Variants in DNAH7 observed in about 807,000 individuals in gnomAD.
The protein encoded by DNAH7 is axonemal beta dynein heavy chain 7.
In DNAH7, 397 loss-of-function variants were observed where a neutral mutation model predicts 444.6. That is an observed-to-expected ratio of 0.89 (90% CI 0.82 to 0.97). DNAH7 has a LOEUF of 0.97. Ranked by LOEUF, DNAH7 falls within the 50% of genes least tolerant of loss-of-function variation. The pLI is 0.00. For synonymous variants in DNAH7, 1,636 were observed against 1,624.4 expected, an observed-to-expected ratio of 1.01 and a Z score of -0.17; for missense variants, 4,902 against 4,800.8, an observed-to-expected ratio of 1.02 and a Z score of -0.62.
At chr2:195,934,890 G>T in intron 20 of DNAH7, 101 bp from the exon 21 acceptor site, 1 of 1,303,062 alleles carries the variant, frequency 7.7e-7, no homozygotes, top group Non-Finnish European at 1.1e-6. Context: ...GTGCTGCTGG[G>T]AATGAAATGC....
At chr2:195,794,114 A>G (rs962616750) in intron 57 of DNAH7, among the ~76,000 whole-genome samples, 3 of 152,194 alleles carry the variant, frequency 2.0e-5, no homozygotes, top group Admixed American at 1.3e-4. Flanking sequence ...ATGACACCCC[A>G]TAAGATCTCA....
At chr2:196,055,484 G>T (rs1207262303) in intron 2 of DNAH7, among the ~76,000 whole-genome samples, 1 of 152,180 alleles carries the variant, frequency 6.6e-6, no homozygotes, top group Non-Finnish European at 1.5e-5. Flanking sequence ...CCAGATTAGG[G>T]GAACGTTTCA....
chr2:195,939,923 A>G (rs772216973), intron 19 of DNAH7, among the ~76,000 whole-genome samples: 140 of 152,304 alleles, frequency 9.2e-4, no homozygotes, highest in Middle Eastern at 3.4e-3. Context: ...GGAAGGATCA[A>G]TATCATGAAA....
chr2:195,888,504 T>C, intron 32 of DNAH7, 70 bp from the exon 33 acceptor site: 1 of 1,442,842 alleles, frequency 6.9e-7, no homozygotes, highest in Non-Finnish European at 9.3e-7. Flanking sequence ...GGCACCTCTG[T>C]TTTTTTATAA....
chr2:195,934,922 C>G, intron 20 of DNAH7, 133 bp from the exon 21 acceptor site: 1 of 899,056 alleles, frequency 1.1e-6, no homozygotes, highest in Non-Finnish European at 1.7e-6. Context: ...CGGAAACCCC[C>G]AAAACAAACA....
chr2:195,880,022 A>ACGTTTTT (rs1057020774), intron 36 of DNAH7, among the ~76,000 whole-genome samples: 8 of 152,128 alleles, frequency 5.3e-5, no homozygotes, highest in African/African-American at 1.9e-4. Context: ...ATAGAATACT[A>ACGTTTTT]CGTTTTTTCA....
chr2:195,837,086 C>T (rs1039359534), intron 47 of DNAH7, among the ~76,000 whole-genome samples: 1 of 152,090 alleles, frequency 6.6e-6, no homozygotes, highest in African/African-American at 2.4e-5. Context: ...ATTCCTTAGC[C>T]GCATCATCCA....
chr2:195,997,087 G>C (rs1348375155), intron 12 of DNAH7, among the ~76,000 whole-genome samples: 1 of 152,160 alleles, frequency 6.6e-6, no homozygotes, highest in African/African-American at 2.4e-5. Context: ...AAAATTACTT[G>C]ATCTCATGTG....
chr2:195,845,753 T>C (rs1698949300), intron 46 of DNAH7, among the ~76,000 whole-genome samples: 1 of 152,168 alleles, frequency 6.6e-6, no homozygotes, highest in Admixed American at 6.5e-5. Flanking sequence ...AAATAAGCAA[T>C]GGAGAAAGGA....
intron 5 of DNAH7, among the ~76,000 whole-genome samples, chr2:196,041,565 G>T (rs1026826214): frequency 5.3e-5 from 8 of 152,136 alleles, no homozygotes; most frequent in Non-Finnish European, 1.0e-4. Flanking sequence ...AATGAAAATG[G>T]ATTAAAGACT....
intron 31 of DNAH7, 26 bp from the exon 32 acceptor site, chr2:195,889,007 G>A: frequency 2.5e-6 from 4 of 1,571,470 alleles, no homozygotes; most frequent in Non-Finnish European, 3.5e-6. Flanking sequence ...GTGAACAGAG[G>A]GCAAAAACGT....
At chr2:195,753,701 A>T (rs1693925195) in intron 63 of DNAH7, among the ~76,000 whole-genome samples, 1 of 152,220 alleles carries the variant, frequency 6.6e-6, no homozygotes, top group Non-Finnish European at 1.5e-5. Context: ...CTTATTTAAA[A>T]TCGTGGCCTT....
At chr2:196,039,537 C>A (rs2125824668) in intron 5 of DNAH7, among the ~76,000 whole-genome samples, 1 of 152,168 alleles carries the variant, frequency 6.6e-6, no homozygotes, top group South Asian at 2.1e-4. Flanking sequence ...GTGGTTCACG[C>A]CTGTAATCCC....
At chr2:195,935,288 TC>T (rs1405645812) in intron 20 of DNAH7, among the ~76,000 whole-genome samples, 4 of 152,192 alleles carry the variant, frequency 2.6e-5, no homozygotes, top group Non-Finnish European at 4.4e-5. Context: ...ATTAGTCTAT[TC>T]AATGTAATAC....
At chr2:195,821,061 A>C (rs569724754) in intron 49 of DNAH7, among the ~76,000 whole-genome samples, 1 of 151,930 alleles carries the variant, frequency 6.6e-6, no homozygotes, top group East Asian at 1.9e-4. Flanking sequence ...GCCCTCTTCA[A>C]CTCCACCTTT....
At chr2:196,019,523 A>G (rs916057954) in intron 8 of DNAH7, among the ~76,000 whole-genome samples, 24 of 152,184 alleles carry the variant, frequency 1.6e-4, no homozygotes, top group African/African-American at 5.8e-4. Context: ...TCTTTAAAAC[A>G]AAAGGTAACT....
intron 19 of DNAH7, 92 bp downstream of exon 19, chr2:195,957,169 T>C (rs892598402): frequency 2.4e-5 from 26 of 1,101,738 alleles, no homozygotes; most frequent in South Asian, 5.1e-5. Flanking sequence ...TAATGGCTTA[T>C]TGGAAACAAT....
At chr2:195,947,342 G>A (rs991827130) in intron 19 of DNAH7, among the ~76,000 whole-genome samples, 2 of 151,748 alleles carry the variant, frequency 1.3e-5, no homozygotes, top group Non-Finnish European at 2.9e-5. Context: ...TGTGCAGAAC[G>A]TGCAGGTTTG....
intron 61 of DNAH7, among the ~76,000 whole-genome samples, chr2:195,766,149 T>A (rs2105929797): frequency 6.6e-6 from 1 of 150,744 alleles, no homozygotes; most frequent in African/African-American, 2.4e-5. Context: ...CATGTTCTCG[T>A]TTAATTTGTG....
Sources: allele counts gnomAD v4.1 joint callset (sites outside exome capture counted in the v4.1 genomes callset), GRCh38; gene constraint gnomAD v4.1.1; transcripts MANE v1.5; gene names NCBI Gene and HGNC (gene_info 2026-07-23, HGNC 2026-07-21).